SLFN5: variants seen among roughly 807,000 people sequenced by gnomAD.
The protein encoded by SLFN5 is schlafen family member 5.
SLFN5 carries 34 observed loss-of-function variants against 48.5 expected under a neutral mutation model. The ratio of observed to expected loss-of-function variants is 0.70; its 90% CI spans 0.53 to 0.93. SLFN5 has a LOEUF of 0.93. Ranked by LOEUF, SLFN5 falls within the 40% of genes least tolerant of loss-of-function variation. SLFN5 has a pLI of 0.00. For synonymous variants in SLFN5, 387 were observed against 396.2 expected, an observed-to-expected ratio of 0.98 and a Z score of 0.28; for missense variants, 1,006 against 1,071.3, an observed-to-expected ratio of 0.94 and a Z score of 0.85.
rs906275903 is a variant in SLFN5 at position 35,266,175 on chromosome 17, TGTGC to T, written c.*289_*292del. On this transcript the variant is annotated 3_prime_UTR_variant, in exon 5 of 5. Coordinates refer to ENST00000299977, the MANE Select transcript of SLFN5 (RefSeq NM_144975.4). The stretch of plus-strand genomic sequence containing the variant: ...GTGTGTGTGTGTGTGTGTGTGTGTG[TGTGC>T]GCGCGCGCACGTGCACATGTGTGTA... 1.3e-4 allele frequency: 26 copies of T among 200,922 alleles called. No individual in the cohort carries two copies. Among genetic ancestry groups the T allele is most frequent in the African/African-American group, 2.4e-4 (8 of 33,694 alleles). The allele number at this position is 200,922 out of a possible 1,614,324, so 12.4% of individuals were successfully genotyped here.
chr17:35,269,951 T>A lies in SLFN5; in HGVS notation c.*4063T>A, dbSNP rs961137370. On this transcript the variant is annotated 3_prime_UTR_variant, in exon 5 of 5. Transcript: ENST00000299977. Reference sequence around the variant, plus strand: ...GGCTTCAAACATTTTATGCTTTTTGTAATTTAGTCATTTTAATATTAGATA... The same window carrying A: ...GGCTTCAAACATTTTATGCTTTTTGAAATTTAGTCATTTTAATATTAGATA... 1.3e-5 allele frequency: 2 copies of A among 152,196 alleles called. No individual in the cohort carries two copies. The highest frequency in any genetic ancestry group is 2.9e-5 in the Non-Finnish European group (2 of 68,010). The allele number at this position is 152,196 out of a possible 1,614,324, so 9.4% of individuals were successfully genotyped here. A position where few individuals can be genotyped will look rare whatever the true frequency, so the allele number is the denominator to read the frequency against.
chr17:35,273,007 G>A lies in SLFN5; in HGVS notation c.*7119G>A, dbSNP rs1405672569. On this transcript the variant is annotated 3_prime_UTR_variant, in exon 5 of 5. Coordinates refer to ENST00000299977, the MANE Select transcript of SLFN5 (RefSeq NM_144975.4). ...AAACGTGTGAAATACTTCTATACAG[G>A]TGATTGAATTTCACTTTATTCCTAA... 6.6e-6 allele frequency: 1 copy of A among 152,004 alleles called. No individual in the cohort carries two copies. Among genetic ancestry groups the A allele is most frequent in the Non-Finnish European group, 1.5e-5 (1 of 68,008 alleles). 9.4% of individuals were successfully genotyped at this position (152,004 alleles called of 1,614,324 possible). A position where few individuals can be genotyped will look rare whatever the true frequency, so the allele number is the denominator to read the frequency against.
At position 35,258,870 on chromosome 17, in the gene SLFN5, T is replaced by A. The variant is rs1158124147; in HGVS notation, c.180T>A (p.Ala60=). The stretch of plus-strand genomic sequence containing the variant: ...ATTCTGGTGGGGGCATAATCAAGGC[T>A]GAGATTGAGAACAAAGGCTACAATT... ...LLNSGGGIIK[A]EIENKGYNYE... Residue 60 remains alanine, a synonymous_variant, in exon 2 of 5, where the codon GCT becomes GCA. Transcript: ENST00000299977. The A allele has an allele frequency of 1.2e-6, 2 of 1,614,190 alleles. No homozygotes were observed. Among genetic ancestry groups the A allele is most frequent in the Non-Finnish European group, 8.5e-7 (1 of 1,180,036 alleles).
rs73993114 is a variant in SLFN5, at chr17:35,253,103, A to T, written c.-40-5548A>T. Among the ~76,000 whole-genome samples, 1,280 of 152,066 alleles carry T rather than the reference A, an allele frequency of 8.4e-3. 22 individuals carry two copies. The highest frequency in any genetic ancestry group is 0.03 in the African/African-American group (1,239 of 41,478). On this transcript the variant is annotated intron_variant, in intron 1 of 4. Coordinates refer to ENST00000299977, the MANE Select transcript of SLFN5 (RefSeq NM_144975.4). ...AGGTGCTGAGAGATTTGGTATCTGG[A>T]GAGGGCCCTCATAGATGGTGCCTTC...
Position 35,267,277 on chromosome 17 carries a change from A to G in SLFN5, c.*1389A>G, listed in dbSNP as rs1300996295. 1.3e-5 allele frequency: 2 copies of G among 152,224 alleles called. No individual in the cohort carries two copies. Among genetic ancestry groups the G allele is most frequent in the East Asian group, 3.8e-4 (2 of 5,198 alleles). 9.4% of individuals were successfully genotyped at this position (152,224 alleles called of 1,614,324 possible). ...CAGATCACAGACTGTTCCTTTACCA[A>G]TATGTAAAAGAATGTGCAAAATTAG... On this transcript the variant is annotated 3_prime_UTR_variant, in exon 5 of 5. Coordinates refer to ENST00000299977, the MANE Select transcript of SLFN5 (RefSeq NM_144975.4).
intron 1 of SLFN5, among the ~76,000 whole-genome samples, chr17:35,255,378 T>C (rs372078949): frequency 1.4e-3 from 213 of 152,344 alleles, no homozygotes; most frequent in South Asian, 2.3e-3. Context: ...CTGGGAAAAA[T>C]GTAAGTTGAA....
intron 3 of SLFN5, 104 bp from the exon 4 acceptor site, chr17:35,264,079 G>T: frequency 1.5e-6 from 2 of 1,338,074 alleles, no homozygotes; most frequent in South Asian, 3.1e-5. Flanking sequence ...ACCTATTGTA[G>T]ATACATAGTA....
chr17:35,266,172 GTGT>G lies in SLFN5; in HGVS notation c.*285_*287del. ...TGTGTGTGTGTGTGTGTGTGTGTGT[GTGT>G]GTGCGCGCGCGCACGTGCACATGTG... On this transcript the variant is annotated 3_prime_UTR_variant, in exon 5 of 5. Transcript: ENST00000299977. 1 of 273,672 alleles carries G rather than the reference GTGT, an allele frequency of 3.7e-6. No homozygotes were observed. The highest frequency in any genetic ancestry group is 6.4e-5 in the East Asian group (1 of 15,668). 17.0% of individuals were successfully genotyped at this position (273,672 alleles called of 1,614,324 possible). A position where few individuals can be genotyped will look rare whatever the true frequency, so the allele number is the denominator to read the frequency against.
intron 1 of SLFN5, among the ~76,000 whole-genome samples, chr17:35,251,436 C>A (rs920703872): frequency 1.3e-5 from 2 of 152,094 alleles, no homozygotes; most frequent in South Asian, 2.1e-4. Context: ...GACGGAGTCT[C>A]GCTCTGTCAC....
rs1904765506 is a variant in SLFN5 at position 35,268,839 on chromosome 17, C to G, written c.*2951C>G. 1.3e-5 allele frequency: 2 copies of G among 152,264 alleles called. No individual in the cohort carries two copies. Among genetic ancestry groups the G allele is most frequent in the African/African-American group, 4.8e-5 (2 of 41,456 alleles). The allele number at this position is 152,264 out of a possible 1,614,324, so 9.4% of individuals were successfully genotyped here. A position where few individuals can be genotyped will look rare whatever the true frequency, so the allele number is the denominator to read the frequency against. On this transcript the variant is annotated 3_prime_UTR_variant, in exon 5 of 5. Transcript: ENST00000299977. ...TGTACCCAATTTCTCCCTCTCTGAA[C>G]TGCAGCCTAGAAACTCTCTACAGGC... is the stretch of plus-strand genomic sequence containing the variant.
Position 35,265,428 on chromosome 17 carries a change from C to G in SLFN5, c.2216C>G (p.Pro739Arg), listed in dbSNP as rs1039783827. 1.2e-6 allele frequency: 2 copies of G among 1,614,226 alleles called. No homozygotes were observed. The highest frequency in any genetic ancestry group is 1.7e-6 in the Non-Finnish European group (2 of 1,180,048). ...CAAAATCCTCCACCTAACCTCCCCCCTGGGTCCCTGGTGATGCTCTATGAA... is the reference window on the plus strand; with the variant it reads ...CAAAATCCTCCACCTAACCTCCCCCGTGGGTCCCTGGTGATGCTCTATGAA... ...ARQNPPPNLPPGSLVMLYEPK... is the reference protein window; with the variant it reads ...ARQNPPPNLPRGSLVMLYEPK... The change falls in exon 5 of 5, where the codon CCT becomes CGT. Residue 739 changes from proline to arginine, a missense_variant. By Grantham distance (103) the Pro-to-Arg change is moderately radical. Coordinates refer to ENST00000299977, the MANE Select transcript of SLFN5 (RefSeq NM_144975.4).
intron 2 of SLFN5, 46 bp downstream of exon 2, chr17:35,259,748 A>G: frequency 6.3e-7 from 1 of 1,582,438 alleles, no homozygotes; most frequent in South Asian, 1.1e-5. Context: ...GCTGGCAGCA[A>G]GGCAGGGCGG....
chr17:35,254,470 C>G (rs886980472), intron 1 of SLFN5, among the ~76,000 whole-genome samples: 1 of 152,162 alleles, frequency 6.6e-6, no homozygotes, highest in Admixed American at 6.5e-5. Flanking sequence ...GGAAGAAATG[C>G]AGGGGGCAGG....
At position 35,259,664 on chromosome 17, in the gene SLFN5, C is replaced by T. The variant is rs1438465793; in HGVS notation, c.974C>T (p.Thr325Ile). Reference sequence around the variant, plus strand: ...GACAACCGTGTGAGACAATTGCCCACAAGAGAATGGACTGCTTGGATGATG... The same window carrying T: ...GACAACCGTGTGAGACAATTGCCCATAAGAGAATGGACTGCTTGGATGATG... The part of the protein sequence containing the change: ...VKDNRVRQLP[T>I]REWTAWMMEA... Residue 325 changes from threonine to isoleucine, a missense_variant, in exon 2 of 5, where the codon ACA (threonine) becomes ATA (isoleucine). Thr to Ile is a moderately conservative substitution (Grantham distance 89). Transcript: ENST00000299977. 4 of 1,601,076 alleles carry T rather than the reference C, an allele frequency of 2.5e-6. No homozygotes were observed. In the South Asian group the frequency reaches 4.4e-5, roughly 18 times the overall value.
rs1805994576 is a variant in SLFN5 at position 35,253,331 on chromosome 17, G to A, written c.-40-5320G>A. ...AAACATTCAGACCATAAAAGATACT[G>A]TTTATTTCTGGAAGATGACTGTATA... On this transcript the variant is annotated intron_variant, in intron 1 of 4. Coordinates refer to ENST00000299977, the MANE Select transcript of SLFN5 (RefSeq NM_144975.4). Among the ~76,000 whole-genome samples, 5 of 150,414 alleles carry A rather than the reference G, an allele frequency of 3.3e-5. No individual in the cohort carries two copies. In the Admixed American group the frequency reaches 3.4e-4, roughly 10 times the overall value.
Position 35,250,553 on chromosome 17 carries a change from G to T in SLFN5, c.-41+7410G>T, listed in dbSNP as rs113890407. ...CGGGCGCCTGTAGTCCCAGCTACTCGGGAGGCTGAGGCAGGAGAATGGCGT... is the reference window on the plus strand; with the variant it reads ...CGGGCGCCTGTAGTCCCAGCTACTCTGGAGGCTGAGGCAGGAGAATGGCGT... On this transcript the variant is annotated intron_variant, in intron 1 of 4. Coordinates refer to ENST00000299977, the MANE Select transcript of SLFN5 (RefSeq NM_144975.4). Among the ~76,000 whole-genome samples, 1,128 of 152,092 alleles carry T rather than the reference G, an allele frequency of 7.4e-3. 16 individuals are homozygous for T. Among genetic ancestry groups the T allele is most frequent in the African/African-American group, 0.026 (1,068 of 41,476 alleles).
At position 35,258,679 on chromosome 17, in the gene SLFN5, A is replaced by G; in HGVS notation, c.-12A>G. 2 of 1,605,848 alleles carry G rather than the reference A, an allele frequency of 1.2e-6. No homozygotes were observed. The highest frequency in any genetic ancestry group is 2.7e-5 in the African/African-American group (2 of 74,872). ...AACATTTCAGGATAGGAATAGGCCA[A>G]GTGCTGAGAAGATGAGTCTTAGGAT... On this transcript the variant is annotated 5_prime_UTR_variant, in exon 2 of 5. Coordinates refer to ENST00000299977, the MANE Select transcript of SLFN5 (RefSeq NM_144975.4).
At position 35,259,122 on chromosome 17, in the gene SLFN5, A is replaced by G. The variant is rs1567790704; in HGVS notation, c.432A>G (p.Pro144=). Residue 144 remains proline, a synonymous_variant, in exon 2 of 5, where the codon CCA becomes CCG. Transcript: ENST00000299977. The stretch of plus-strand genomic sequence containing the variant: ...TCCTCAAATGCAGGACTCAGACTCC[A>G]ACGAATATTAATGTTTCCAATTCAT... The part of the protein sequence containing the change: ...LAFLKCRTQT[P]TNINVSNSLG... 1 of 1,614,216 alleles carries G rather than the reference A, an allele frequency of 6.2e-7. No homozygotes were observed.
rs1402478402 is a variant in SLFN5, at chr17:35,265,580, A to G, written c.2368A>G (p.Ile790Val). The stretch of plus-strand genomic sequence containing the variant: ...GCGGAATGGTTATTCTCCGAAGGAT[A>G]TTGCTGTGCTTTTCACCAAAGCAAG... ...LLRNGYSPKD[I>V]AVLFTKASEV... The change falls in exon 5 of 5, where the codon ATT becomes GTT. Residue 790 changes from isoleucine to valine, a missense_variant. Ile to Val is a conservative substitution (Grantham distance 29, BLOSUM62 3). Transcript: ENST00000299977. 1 of 1,614,104 alleles carries G rather than the reference A, an allele frequency of 6.2e-7. No homozygotes were observed. The highest frequency in any genetic ancestry group is 2.2e-5 in the East Asian group (1 of 44,902).
Sources: allele counts gnomAD v4.1 joint callset (sites outside exome capture counted in the v4.1 genomes callset), GRCh38; gene constraint gnomAD v4.1.1; transcripts MANE v1.5; gene names NCBI Gene and HGNC (gene_info 2026-07-23, HGNC 2026-07-21).